The following DDX1 variants were observed in gnomAD, a reference collection of about 807,000 sequenced individuals.
The protein encoded by DDX1 is ATP-dependent RNA helicase DDX1.
In DDX1, 28 loss-of-function variants were observed where a neutral mutation model predicts 108.7. The observed-to-expected ratio is 0.26, with a 90% confidence interval of 0.19 to 0.35. DDX1 has a LOEUF of 0.35. DDX1 is among the 10% of genes least tolerant of loss of function. The pLI is 1.00. For missense variants in DDX1, 710 were observed against 884.5 expected (o/e 0.80, Z 2.50); for synonymous variants, 295 against 288.9 (o/e 1.02, Z -0.21).
chr2:15,630,213 AT>A, intron 25 of DDX1, 103 bp downstream of exon 25: 2 of 1,193,246 alleles, frequency 1.7e-6, no homozygotes, highest in Non-Finnish European at 2.4e-6. Flanking sequence ...TTAAGAGTAT[AT>A]TTTTAGCGTG....
In DDX1 at chr2:15,629,646, C is replaced by T. The variant is rs1471163493; in HGVS notation, c.1920C>T (p.Asn640=). The change falls in exon 24 of 26, where the codon AAC becomes AAT. Residue 640 remains asparagine (N), a synonymous_variant. Transcript: ENST00000233084. The part of the protein sequence containing the change: ...VCSSRGKGCY[N]TRLKEDGGCT... ...GCAGCCGTGGAAAAGGGTGTTATAA[C>T]ACAAGACTCAAGGAAGATGGAGGCT... 3.8e-6 allele frequency: 6 copies of T among 1,588,472 alleles called. No homozygotes were observed. The Admixed American group carries it at 1.1e-4, about 30-fold the overall frequency.
chr2:15,624,209 T>A (rs1011730879), intron 19 of DDX1, among the ~76,000 whole-genome samples: 6 of 152,154 alleles, frequency 3.9e-5, no homozygotes, highest in African/African-American at 1.4e-4. Context: ...AGCTAAAATA[T>A]TAACCAAAAG....
chr2:15,601,690 G>A (rs201087860), intron 6 of DDX1, among the ~76,000 whole-genome samples: 1 of 152,142 alleles, frequency 6.6e-6, no homozygotes, highest in Non-Finnish European at 1.5e-5. Context: ...TAAAAGTTCA[G>A]TTCTACATAA....
intron 13 of DDX1, among the ~76,000 whole-genome samples, chr2:15,610,592 A>G (rs1435192037): frequency 6.6e-6 from 1 of 152,214 alleles, no homozygotes; most frequent in African/African-American, 2.4e-5. Context: ...CCCAATTTCT[A>G]GTTATCCTTT....
In DDX1 at chr2:15,617,239, T is replaced by C; in HGVS notation, c.1018-5T>C. On this transcript the variant is annotated splice_polypyrimidine_tract_variant and splice_region_variant and intron_variant, in intron 14 of 25. Coordinates refer to ENST00000233084, the MANE Select transcript of DDX1 (RefSeq NM_004939.3). ...TCATTAAGTGGTTGGTTTGCTTTTT[T>C]TCAGGTAGATATAGTTGTAGGTACT... 6.5e-7 allele frequency: 1 copy of C among 1,535,024 alleles called. No individual in the cohort carries two copies. Among genetic ancestry groups the C allele is most frequent in the Non-Finnish European group, 8.8e-7 (1 of 1,130,256 alleles).
chr2:15,617,197 T>A, intron 14 of DDX1, 47 bp from the exon 15 acceptor site: 1 of 986,392 alleles, frequency 1.0e-6, no homozygotes, highest in East Asian at 2.6e-5. Context: ...AACGTAATTA[T>A]ACTGTTTCTT....
intron 13 of DDX1, 102 bp downstream of exon 13, chr2:15,607,415 T>TTATGTATACAC: frequency 2.0e-6 from 2 of 980,206 alleles, no homozygotes; most frequent in Non-Finnish European, 3.1e-6. Context: ...TCAGTGTGTA[T>TTATGTATACAC]ACATAATACA....
chr2:15,606,020 T>C lies in DDX1; in HGVS notation c.696T>C (p.Val232=). The C allele has an allele frequency of 6.3e-7, 1 of 1,588,750 alleles. No individual in the cohort carries two copies. The change falls in exon 11 of 26, where the codon GTT becomes GTC. Residue 232 remains valine (V), a synonymous_variant. Coordinates refer to ENST00000233084, the MANE Select transcript of DDX1 (RefSeq NM_004939.3). ...MKNQALFPAC[V]LKNAELKFNF... Reference sequence around the variant, plus strand: ...ACCAAGCCCTCTTTCCTGCCTGTGTTTTGAAGGTAATTAGGAATCTAGTTA... The same window carrying C: ...ACCAAGCCCTCTTTCCTGCCTGTGTCTTGAAGGTAATTAGGAATCTAGTTA...
chr2:15,629,806 A>C, intron 24 of DDX1, 109 bp downstream of exon 24: 1 of 1,056,578 alleles, frequency 9.5e-7, no homozygotes, highest in South Asian at 1.8e-5. Context: ...CTTATAAGGG[A>C]AAGTCGTAGT....
At chr2:15,611,524 C>G (rs796970293) in intron 13 of DDX1, among the ~76,000 whole-genome samples, 2 of 129,550 alleles carry the variant, frequency 1.5e-5, no homozygotes, top group African/African-American at 6.5e-5. Context: ...CTGACCCCCC[C>G]ACCTCCCTCC....
rs900890380 is a variant in DDX1 at position 15,595,526 on chromosome 2, G to A, written c.105G>A (p.Leu35=). The A allele has an allele frequency of 1.2e-6, 2 of 1,610,374 alleles. No individual in the cohort carries two copies. The highest frequency in any genetic ancestry group is 2.7e-5 in the African/African-American group (2 of 74,968). Residue 35 remains leucine, a synonymous_variant, in exon 3 of 26, where the codon TTG becomes TTA. Coordinates refer to ENST00000233084, the MANE Select transcript of DDX1 (RefSeq NM_004939.3). The part of the protein sequence containing the change: ...PTDIQAESIP[L]ILGGGDVLMA... The stretch of plus-strand genomic sequence containing the variant: ...ATATCCAGGCTGAATCTATCCCATT[G>A]ATCTTAGGAGGAGGTGATGTACTTA...
chr2:15,628,960 C>A, intron 23 of DDX1, 121 bp downstream of exon 23: 1 of 874,058 alleles, frequency 1.1e-6, no homozygotes, highest in South Asian at 1.6e-5. Flanking sequence ...TACAAATGAA[C>A]TTTTTAATGT....
intron 6 of DDX1, 134 bp downstream of exon 6, chr2:15,599,850 A>T (rs1665561310): frequency 1.7e-6 from 1 of 604,132 alleles, no homozygotes; most frequent in Admixed American, 3.3e-5. Flanking sequence ...ATTAAACAGT[A>T]TAGAACTGAC....
At chr2:15,603,357 A>C in intron 8 of DDX1, 82 bp downstream of exon 8, 1 of 954,590 alleles carries the variant, frequency 1.0e-6, no homozygotes, top group Admixed American at 2.4e-5. Context: ...AAAATAATAA[A>C]TTTAACCATA....
intron 16 of DDX1, among the ~76,000 whole-genome samples, chr2:15,618,511 G>A (rs1371252815): frequency 2.0e-5 from 3 of 152,222 alleles, no homozygotes; most frequent in African/African-American, 7.2e-5. Flanking sequence ...GTGTATGAGC[G>A]AACGTGGGGT....
intron 6 of DDX1, among the ~76,000 whole-genome samples, chr2:15,602,116 A>G (rs185409409): frequency 1.9e-4 from 29 of 152,364 alleles, no homozygotes; most frequent in African/African-American, 6.5e-4. Flanking sequence ...TAAGTATAAA[A>G]TCAGGACGAA....
intron 13 of DDX1, among the ~76,000 whole-genome samples, chr2:15,611,281 C>A (rs1365505390): frequency 1.3e-5 from 2 of 151,412 alleles, no homozygotes; most frequent in Non-Finnish European, 2.9e-5. Flanking sequence ...CCCATGTCTA[C>A]CTCCTACTAC....
chr2:15,600,740 CTTTTTTTTTTTT>C (rs1157559293), intron 6 of DDX1, among the ~76,000 whole-genome samples: 17 of 73,546 alleles, frequency 2.3e-4, no homozygotes, highest in East Asian at 1.5e-3. Context: ...TTTGCATTTT[CTTTTTTTTTTTT>C]TTTTTTTTTT....
chr2:15,618,360 T>C, intron 16 of DDX1, 90 bp downstream of exon 16: 1 of 713,406 alleles, frequency 1.4e-6, no homozygotes. Context: ...CTTTTCTGGC[T>C]GGAAACCTCT....
Sources: gnomAD v4.1 joint callset for allele counts (sites outside exome capture counted in the v4.1 genomes callset) on GRCh38, gnomAD v4.1.1 for gene constraint, MANE v1.5 for transcripts, NCBI Gene and HGNC (gene_info 2026-07-23, HGNC 2026-07-21) for gene names.